Variants in DIAPH2 observed in about 807,000 individuals in gnomAD.
DIAPH2 encodes the protein diaphanous related formin 2.
In DIAPH2, 35 loss-of-function variants were observed where a neutral mutation model predicts 92.7. That is an observed-to-expected ratio of 0.38 (90% confidence interval 0.29 to 0.50). The LOEUF is 0.50. Among genes scored for constraint, DIAPH2 ranks in the 20% least tolerant of loss-of-function variants. The pLI is 0.94. For missense variants in DIAPH2, 701 were observed against 819.5 expected (o/e 0.86, Z 1.77); for synonymous variants, 301 against 280.4 (o/e 1.07, Z -0.73).
At chrX:97,161,058 T>G (rs772081952) in intron 22 of DIAPH2, among the ~76,000 whole-genome samples, 16 of 105,807 alleles carry the variant, frequency 1.5e-4, no homozygotes, top group South Asian at 4.3e-4. Context: ...TTTGTTTTTT[T>G]TTTTTTTTTC....
intron 1 of DIAPH2, among the ~76,000 whole-genome samples, chrX:96,721,860 T>G (rs1389058423): frequency 2.7e-5 from 3 of 111,823 alleles, no homozygotes; most frequent in Non-Finnish European, 5.6e-5. Context: ...ATAGCTACAT[T>G]ACAGGTTTGT....
At chrX:97,388,198 T>C (rs1196115173) in intron 25 of DIAPH2, among the ~76,000 whole-genome samples, 1 of 111,728 alleles carries the variant, frequency 9.0e-6, no homozygotes, top group African/African-American at 3.3e-5. Context: ...GTAGGATCTG[T>C]GTCAGACCTC....
chrX:96,844,642 A>C (rs2064959148), intron 4 of DIAPH2, among the ~76,000 whole-genome samples: 1 of 112,521 alleles, frequency 8.9e-6, no homozygotes, highest in African/African-American at 3.2e-5. Flanking sequence ...TGTTTTAATC[A>C]GTCCAATTTC....
At chrX:96,945,136 C>T (rs760493618) in intron 13 of DIAPH2, among the ~76,000 whole-genome samples, 14 of 110,782 alleles carry the variant, frequency 1.3e-4, no homozygotes, top group African/African-American at 3.6e-4. Context: ...TTTTGTAGGA[C>T]AATTTTGAAT....
At chrX:97,476,532 G>T (rs1050107376) in intron 26 of DIAPH2, among the ~76,000 whole-genome samples, 1 of 111,813 alleles carries the variant, frequency 8.9e-6, no homozygotes, top group African/African-American at 3.3e-5. Context: ...TCTGAGGACT[G>T]AAATTCTGAA....
intron 26 of DIAPH2, among the ~76,000 whole-genome samples, chrX:97,554,364 T>C (rs1036059048): frequency 8.9e-6 from 1 of 112,366 alleles, no homozygotes; most frequent in African/African-American, 3.2e-5. Flanking sequence ...TCCTTAAGTT[T>C]TTCTCTGGTC....
chrX:97,357,892 A>C (rs7880812), intron 24 of DIAPH2, among the ~76,000 whole-genome samples: 1,827 of 111,878 alleles, frequency 0.016, 28 homozygotes, highest in African/African-American at 0.056. Flanking sequence ...AGACATAGAG[A>C]TATGTGAACT....
At position 97,248,413 on chromosome X, in the gene DIAPH2, T is replaced by G. The variant is rs749826641; in HGVS notation, c.2844+574T>G. 1.5e-4 allele frequency among the ~76,000 whole-genome samples: 17 copies of G among 111,752 alleles called. 1 individual carries two copies. The highest frequency in any genetic ancestry group is 5.5e-4 in the African/African-American group (17 of 30,902). ...TAAGCATTTCTTGCTAAATAAACAT[T>G]TTTTGAAACTTCTAGTTTATAGCAG... On this transcript the variant is annotated intron_variant, in intron 23 of 26. Coordinates refer to ENST00000324765, the MANE Select transcript of DIAPH2 (RefSeq NM_006729.5).
intron 17 of DIAPH2, among the ~76,000 whole-genome samples, chrX:97,026,944 T>C (rs1170395911): frequency 1.8e-5 from 2 of 111,988 alleles, no homozygotes; most frequent in Non-Finnish European, 1.9e-5. Context: ...CAGGTGATTC[T>C]AATCATTTTC....
chrX:96,879,842 G>T (rs771448976), intron 4 of DIAPH2, among the ~76,000 whole-genome samples: 80 of 110,714 alleles, frequency 7.2e-4, no homozygotes, highest in African/African-American at 2.6e-3. Context: ...CTATTCTCGT[G>T]TCTTAGCCTC....
chrX:97,434,869 G>T (rs2070166244), intron 26 of DIAPH2, among the ~76,000 whole-genome samples: 1 of 111,892 alleles, frequency 8.9e-6, no homozygotes, highest in African/African-American at 3.2e-5. Context: ...ATGACAAAAT[G>T]AATTCTTGAG....
chrX:97,179,966 C>A (rs961319539), intron 22 of DIAPH2, among the ~76,000 whole-genome samples: 2 of 111,399 alleles, frequency 1.8e-5, no homozygotes, highest in African/African-American at 6.5e-5. Context: ...GGAAACCACC[C>A]CCATGATTCA....
chrX:97,595,559 TTTTC>T (rs199766200), intron 26 of DIAPH2, among the ~76,000 whole-genome samples: 4,313 of 109,974 alleles, frequency 0.039, 209 homozygotes, highest in African/African-American at 0.14. Flanking sequence ...GCACATTTTC[TTTTC>T]TTTCTTTCTT....
chrX:96,768,329 G>T (rs1424750611), intron 4 of DIAPH2, among the ~76,000 whole-genome samples: 1 of 111,985 alleles, frequency 8.9e-6, no homozygotes. Flanking sequence ...GTCATCAGAA[G>T]AGTCTGAGTT....
chrX:96,708,587 C>T (rs1569371116), intron 1 of DIAPH2, among the ~76,000 whole-genome samples: 2 of 111,742 alleles, frequency 1.8e-5, no homozygotes, highest in Non-Finnish European at 3.8e-5. Context: ...CCTACCTCTT[C>T]CCAAACTTGA....
chrX:97,022,881 C>T (rs1354378835), intron 17 of DIAPH2, among the ~76,000 whole-genome samples: 1 of 110,707 alleles, frequency 9.0e-6, no homozygotes, highest in Non-Finnish European at 1.9e-5. Flanking sequence ...TAGGGAGACC[C>T]CATCTCTACA....
At chrX:97,370,266 T>G (rs1602542256) in intron 24 of DIAPH2, among the ~76,000 whole-genome samples, 1 of 111,699 alleles carries the variant, frequency 9.0e-6, no homozygotes, top group African/African-American at 3.3e-5. Flanking sequence ...ACAGATAAAT[T>G]TTCAATGGCA....
At chrX:96,940,696 T>C (rs1354239270) in intron 12 of DIAPH2, among the ~76,000 whole-genome samples, 1 of 111,943 alleles carries the variant, frequency 8.9e-6, no homozygotes, top group Non-Finnish European at 1.9e-5. Flanking sequence ...AAATATTAAA[T>C]TGTGTGCTGT....
At chrX:97,156,081 G>C (rs750218442) in intron 22 of DIAPH2, among the ~76,000 whole-genome samples, 1 of 112,251 alleles carries the variant, frequency 8.9e-6, no homozygotes, top group Admixed American at 9.5e-5. Flanking sequence ...AGTTAGCAAT[G>C]ATGTTAGACA....
Sources: allele counts gnomAD v4.1 joint callset (sites outside exome capture counted in the v4.1 genomes callset), GRCh38; gene constraint gnomAD v4.1.1; transcripts MANE v1.5; gene names NCBI Gene and HGNC (gene_info 2026-07-23, HGNC 2026-07-21).